KDM3A: variants seen among roughly 807,000 people sequenced by gnomAD.
The protein encoded by KDM3A is lysine-specific demethylase 3A.
In KDM3A, 60 loss-of-function variants were observed where a neutral mutation model predicts 158.0. The ratio of observed to expected loss-of-function variants is 0.38; its 90% CI spans 0.31 to 0.47. The LOEUF is 0.47. KDM3A is among the 20% of genes least tolerant of loss of function. The pLI is 0.99. For synonymous variants in KDM3A, 608 were observed against 549.3 expected, an observed-to-expected ratio of 1.11 and a Z score of -1.49; for missense variants, 1,319 against 1,574.3, an observed-to-expected ratio of 0.84 and a Z score of 2.74.
intron 8 of KDM3A, among the ~76,000 whole-genome samples, chr2:86,457,476 T>C (rs1437617103): frequency 6.6e-6 from 1 of 152,196 alleles, no homozygotes; most frequent in Non-Finnish European, 1.5e-5. Context: ...TGCTGTCTGC[T>C]CTTCTTTGCT....
At chr2:86,445,503 T>C (rs945434394) in intron 2 of KDM3A, among the ~76,000 whole-genome samples, 2 of 152,116 alleles carry the variant, frequency 1.3e-5, no homozygotes, top group East Asian at 3.8e-4. Context: ...TTTTCTTGAG[T>C]CTAATGCCCT....
chr2:86,474,172 A>G (rs1316784168), intron 11 of KDM3A, among the ~76,000 whole-genome samples: 3 of 152,184 alleles, frequency 2.0e-5, no homozygotes, highest in Non-Finnish European at 4.4e-5. Context: ...CTATCCCTGG[A>G]GGCAGTATGA....
intron 18 of KDM3A, 121 bp downstream of exon 18, chr2:86,482,815 T>C: frequency 1.1e-6 from 1 of 892,636 alleles, no homozygotes; most frequent in Non-Finnish European, 1.7e-6. Context: ...TATTCTTTAT[T>C]GTTTCAGGTG....
chr2:86,466,862 A>G lies in KDM3A; in HGVS notation c.1498A>G (p.Ser500Gly), dbSNP rs769459613. 6.2e-7 allele frequency: 1 copy of G among 1,603,952 alleles called. No individual in the cohort carries two copies. The highest frequency in any genetic ancestry group is 1.7e-5 in the Admixed American group (1 of 58,416). The change falls in exon 10 of 26, where the codon AGC (serine) becomes GGC (glycine). Residue 500 changes from serine (S) to glycine (G), a missense_variant. Physicochemically the swap from Ser to Gly is moderately conservative, Grantham distance 56 (BLOSUM62 0). Transcript: ENST00000312912. ...AGATAATGAAAGCTGTTGTTCAAGAAGCAACAATAAAATCCAGAATGGTGA... is the reference window on the plus strand; with the variant it reads ...AGATAATGAAAGCTGTTGTTCAAGAGGCAACAATAAAATCCAGAATGGTGA... ...KVDNESCCSR[S>G]NNKIQNAPSR...
upstream of KDM3A, among the ~76,000 whole-genome samples, chr2:86,439,456 G>A (rs1263963943): frequency 6.6e-6 from 1 of 151,760 alleles, no homozygotes; most frequent in East Asian, 1.9e-4. Flanking sequence ...TTTGTGAAAC[G>A]GTTTTATAAC....
At chr2:86,488,487 C>T (rs1168147106) in intron 21 of KDM3A, 4 of 152,256 alleles carry the variant, frequency 2.6e-5, no homozygotes, top group African/African-American at 9.7e-5. Flanking sequence ...TACAACAGGG[C>T]TCTGGGGGCC....
Position 86,475,042 on chromosome 2 carries a change from TCCTAAGTGACA to T in KDM3A, c.1939+60_1939+70del, listed in dbSNP as rs777106843. 42 of 1,442,256 alleles carry T rather than the reference TCCTAAGTGACA, an allele frequency of 2.9e-5. 2 individuals carry two copies. In the South Asian group the frequency reaches 4.9e-4, roughly 17 times the overall value. 89.3% of individuals were successfully genotyped at this position (1,442,256 alleles called of 1,614,324 possible). On this transcript the variant is annotated intron_variant, in intron 12 of 25. Transcript: ENST00000312912. ...TTTTCGAGCCCAATTTGATTTTTGT[TCCTAAGTGACA>T]CCTAAGTCCTAATTGCTTGGGTTTT...
chr2:86,466,888 G>A lies in KDM3A; in HGVS notation c.1519+5G>A, dbSNP rs773479952. 2.5e-6 allele frequency: 4 copies of A among 1,580,734 alleles called. No individual in the cohort carries two copies. The highest frequency in any genetic ancestry group is 3.4e-6 in the Non-Finnish European group (4 of 1,165,340). On this transcript the variant is annotated splice_donor_5th_base_variant and intron_variant, in intron 10 of 25. Transcript: ENST00000312912. ...GCAACAATAAAATCCAGAATGGTGA[G>A]TGTTTCTCAATATCTTTATTGGTAG...
upstream of KDM3A, among the ~76,000 whole-genome samples, chr2:86,437,801 T>C (rs112226509): frequency 6.6e-6 from 1 of 152,172 alleles, no homozygotes; most frequent in African/African-American, 2.4e-5. Context: ...TATGTTCTAA[T>C]TGATGCTTGC....
At chr2:86,485,077 G>A (rs751817448) in intron 20 of KDM3A, 48 bp downstream of exon 20, 3 of 1,076,638 alleles carry the variant, frequency 2.8e-6, no homozygotes, top group Non-Finnish European at 4.2e-6. Context: ...TCACTTGGTA[G>A]GATAAATTCT....
At chr2:86,471,692 T>C (rs1365980810) in intron 11 of KDM3A, among the ~76,000 whole-genome samples, 1 of 152,234 alleles carries the variant, frequency 6.6e-6, no homozygotes, top group Non-Finnish European at 1.5e-5. Flanking sequence ...CTCGTAACTT[T>C]CAGATTCAGG....
chr2:86,449,215 GT>G (rs1683065471), intron 2 of KDM3A, among the ~76,000 whole-genome samples: 1 of 152,136 alleles, frequency 6.6e-6, no homozygotes, highest in Admixed American at 6.5e-5. Flanking sequence ...TTAATCACTC[GT>G]TTCTATGTTA....
chr2:86,470,815 C>T (rs961404270), intron 11 of KDM3A, among the ~76,000 whole-genome samples: 1 of 152,156 alleles, frequency 6.6e-6, no homozygotes, highest in Admixed American at 6.5e-5. Context: ...TAGTAGGAAC[C>T]TCTTGATCAT....
intron 2 of KDM3A, 99 bp from the exon 3 acceptor site, chr2:86,449,708 C>T: frequency 7.7e-7 from 1 of 1,302,978 alleles, no homozygotes; most frequent in South Asian, 1.5e-5. Flanking sequence ...ATAAAGGATT[C>T]AAATAGAATA....
chr2:86,485,528 T>C (rs1360155979), intron 20 of KDM3A, among the ~76,000 whole-genome samples: 1 of 152,248 alleles, frequency 6.6e-6, no homozygotes, highest in Admixed American at 6.5e-5. Flanking sequence ...ACAGCTGATT[T>C]TGACACATTG....
intron 13 of KDM3A, 22 bp downstream of exon 13, chr2:86,478,051 C>G: frequency 6.2e-7 from 1 of 1,613,782 alleles, no homozygotes; most frequent in Non-Finnish European, 8.5e-7. Context: ...TTTGATTCTC[C>G]TCCAGCCCCT....
rs1469270387 is a variant in KDM3A, at chr2:86,451,172, C to G, written c.412C>G (p.Gln138Glu). ...TTCTGTTCGCTTTCTGGGAGATCAACAAAGAGTATTTCTTTCTAAAGACCT... is the reference window on the plus strand; with the variant it reads ...TTCTGTTCGCTTTCTGGGAGATCAAGAAAGAGTATTTCTTTCTAAAGACCT... ...ITSVRFLGDQ[Q>E]RVFLSKDLLK... Residue 138 changes from glutamine (Q) to glutamate (E), a missense_variant, in exon 4 of 26, where the codon CAA becomes GAA. This residue lies in a region of KDM3A where 652 missense variants were observed against 627.2 expected (regional missense o/e 1.04). Coordinates refer to ENST00000312912, the MANE Select transcript of KDM3A (RefSeq NM_018433.6). 1.2e-6 allele frequency: 2 copies of G among 1,611,650 alleles called. No individual in the cohort carries two copies. Among genetic ancestry groups the G allele is most frequent in the South Asian group, 2.2e-5 (2 of 90,622 alleles).
At chr2:86,445,582 C>G (rs1374363626) in intron 2 of KDM3A, among the ~76,000 whole-genome samples, 2 of 152,050 alleles carry the variant, frequency 1.3e-5, no homozygotes, top group Non-Finnish European at 2.9e-5. Context: ...CTTCTTAGTC[C>G]TTACAGGTGT....
At position 86,470,249 on chromosome 2, in the gene KDM3A, A is replaced by G. The variant is rs758259338; in HGVS notation, c.1565A>G (p.Lys522Arg). Residue 522 changes from lysine to arginine, a missense_variant, in exon 11 of 26, where the codon AAG (lysine) becomes AGG (arginine). Physicochemically the swap from Lys to Arg is conservative, Grantham distance 26. Coordinates refer to ENST00000312912, the MANE Select transcript of KDM3A (RefSeq NM_018433.6). ...TTGACAGACCCAGCTAAACTCAAAA[A>G]GCTGCAACAGAGTGGCGAGGCCTTC... Reference protein sequence around the residue: ...SVLTDPAKLKKLQQSGEAFVQ... With the variant: ...SVLTDPAKLKRLQQSGEAFVQ... 45 of 1,614,036 alleles carry G rather than the reference A, an allele frequency of 2.8e-5. No homozygotes were observed. The highest frequency in any genetic ancestry group is 5.0e-5 in the Admixed American group (3 of 59,996).
Sources: gnomAD v4.1 joint callset for allele counts (sites outside exome capture counted in the v4.1 genomes callset) on GRCh38, gnomAD v4.1.1 for gene constraint, gnomAD v4.1.1 regional missense constraint, MANE v1.5 for transcripts, NCBI Gene and HGNC (gene_info 2026-07-23, HGNC 2026-07-21) for gene names.